The following GOT1 variants were observed in gnomAD, a reference collection of about 807,000 sequenced individuals.
GOT1 encodes aspartate aminotransferase, cytoplasmic.
GOT1 carries 25 observed loss-of-function variants against 48.2 expected under a neutral mutation model. That is an observed-to-expected ratio of 0.52 (90% confidence interval 0.38 to 0.72). GOT1 has a LOEUF of 0.72. Among genes scored for constraint, GOT1 ranks in the 30% least tolerant of loss-of-function variants. GOT1 has a pLI of 0.00. For synonymous variants in GOT1, 188 were observed against 193.8 expected, an observed-to-expected ratio of 0.97 and a Z score of 0.25; for missense variants, 380 against 520.1, an observed-to-expected ratio of 0.73 and a Z score of 2.62.
chr10:99,405,819 T>G lies in GOT1; in HGVS notation c.579A>C (p.Ala193=), dbSNP rs138181259. The change falls in exon 5 of 9, where the codon GCA becomes GCC. Residue 193 remains alanine, a synonymous_variant. Transcript: ENST00000370508. The stretch of plus-strand genomic sequence containing the variant: ...TTGGGTCAATCCCAGTTGGGTTGTG[T>G]GCACAGGCGTGGAGGACAACAATGG... ...EFSIVVLHAC[A]HNPTGIDPTP... 2,235 of 1,611,872 alleles carry G rather than the reference T, an allele frequency of 1.4e-3. 1 individual carries two copies. Among genetic ancestry groups the G allele is most frequent in the South Asian group, 4.7e-3 (426 of 91,034 alleles).
rs1292708278 is a variant in GOT1, at chr10:99,406,744, CAT to C, written c.404_405del (p.Tyr135CysfsTer19). The C allele has an allele frequency of 6.2e-7, 1 of 1,614,010 alleles. No homozygotes were observed. Among genetic ancestry groups the C allele is most frequent in the Non-Finnish European group, 8.5e-7 (1 of 1,179,904 alleles). On this transcript the variant is annotated frameshift_variant, in exon 3 of 9. Transcript: ENST00000370508. LOFTEE classifies it high-confidence loss of function. ...NGTNNKNTPV[Y>X]VSSPTWENHN... ...GACTCACCCCAGGTTGGTGAGGACA[CAT>C]AGACAGGTGTGTTCTTGTTGTTTGT...
intron 1 of GOT1, among the ~76,000 whole-genome samples, chr10:99,424,995 A>T (rs1352378948): frequency 2.0e-5 from 3 of 152,226 alleles, no homozygotes; most frequent in Non-Finnish European, 4.4e-5. Flanking sequence ...TCACATAACA[A>T]GTACTTACTA....
In GOT1 at chr10:99,406,716, A is replaced by G. The variant is rs755983501; in HGVS notation, c.424+10T>C. 3 of 1,611,624 alleles carry G rather than the reference A, an allele frequency of 1.9e-6. No individual in the cohort carries two copies. In the East Asian group the frequency reaches 6.7e-5, roughly 36 times the overall value. On this transcript the variant is annotated intron_variant, in intron 3 of 8. Coordinates refer to ENST00000370508, the MANE Select transcript of GOT1 (RefSeq NM_002079.3). ...TCTGTTTTTCCTCTCACTTCAGCTG[A>G]AAGACTCACCCCAGGTTGGTGAGGA... is the stretch of plus-strand genomic sequence containing the variant.
At chr10:99,421,891 G>A (rs1224675496) in intron 1 of GOT1, among the ~76,000 whole-genome samples, 1 of 152,130 alleles carries the variant, frequency 6.6e-6, no homozygotes, top group African/African-American at 2.4e-5. Flanking sequence ...TTACATTTTA[G>A]GGTTGTTGTT....
intron 2 of GOT1, among the ~76,000 whole-genome samples, chr10:99,411,512 A>G (rs2032827849): frequency 1.3e-5 from 2 of 152,206 alleles, no homozygotes; most frequent in Non-Finnish European, 2.9e-5. Context: ...TTTGGCTCAA[A>G]TGTCATTTCT....
chr10:99,426,014 T>C (rs2033033833), intron 1 of GOT1, among the ~76,000 whole-genome samples: 1 of 152,146 alleles, frequency 6.6e-6, no homozygotes, highest in African/African-American at 2.4e-5. Flanking sequence ...ATAGATATTG[T>C]GATGTCTATT....
chr10:99,422,838 C>T (rs1202321033), intron 1 of GOT1, among the ~76,000 whole-genome samples: 2 of 152,130 alleles, frequency 1.3e-5, no homozygotes. Flanking sequence ...CGTCCTTGTT[C>T]TTTTTTACAG....
chr10:99,407,082 A>T (rs1222445263), intron 2 of GOT1, among the ~76,000 whole-genome samples: 2 of 152,228 alleles, frequency 1.3e-5, no homozygotes, highest in African/African-American at 4.8e-5. Flanking sequence ...CAAAGTTACC[A>T]GCTACTGAGC....
At chr10:99,403,686 G>A (rs201775898) in intron 6 of GOT1, 38 bp downstream of exon 6, 107 of 1,613,868 alleles carry the variant, frequency 6.6e-5, no homozygotes, top group Admixed American at 2.8e-4. Context: ...GGAGTGATGC[G>A]AGGAGGTGGG....
intron 2 of GOT1, among the ~76,000 whole-genome samples, chr10:99,416,197 C>T (rs896814573): frequency 4.6e-5 from 7 of 152,142 alleles, no homozygotes; most frequent in African/African-American, 1.4e-4. Context: ...AAAACCCCAT[C>T]GTCTCACCAC....
chr10:99,430,195 AC>A, intron 1 of GOT1: 1 of 987,864 alleles, frequency 1.0e-6, no homozygotes, highest in Admixed American at 2.1e-5. Context: ...AATCGGAAAG[AC>A]TGAGTTTGTG....
intron 2 of GOT1, among the ~76,000 whole-genome samples, chr10:99,412,522 G>A (rs1178724361): frequency 6.6e-6 from 1 of 151,456 alleles, no homozygotes; most frequent in African/African-American, 2.4e-5. Context: ...CAGAAGAAAG[G>A]CTCAGAGCTC....
At chr10:99,411,058 T>G (rs1380169313) in intron 2 of GOT1, among the ~76,000 whole-genome samples, 1 of 152,260 alleles carries the variant, frequency 6.6e-6, no homozygotes, top group Non-Finnish European at 1.5e-5. Context: ...TGCATTCATC[T>G]GGGTGCCCCC....
rs746725900 is a variant in GOT1, at chr10:99,406,161, G to A, written c.513C>T (p.Leu171=). Residue 171 remains leucine (L), a synonymous_variant, in exon 4 of 9, where the codon CTC becomes CTT. Coordinates refer to ENST00000370508, the MANE Select transcript of GOT1 (RefSeq NM_002079.3). ...YWDAEKRGLD[L]QGFLNDLENA... ...CCTCCAGATCATTCAGGAAGCCCTGGAGGTCCAATCCTCTCTTCTCTGCAT... is the reference window on the plus strand; with the variant it reads ...CCTCCAGATCATTCAGGAAGCCCTGAAGGTCCAATCCTCTCTTCTCTGCAT... The A allele has an allele frequency of 3.1e-6, 5 of 1,611,586 alleles. No individual in the cohort carries two copies. In the South Asian group the frequency reaches 5.5e-5, roughly 18 times the overall value.
intron 2 of GOT1, among the ~76,000 whole-genome samples, chr10:99,407,987 G>A (rs1041988978): frequency 2.0e-5 from 3 of 150,570 alleles, no homozygotes; most frequent in Non-Finnish European, 3.0e-5. Flanking sequence ...ATAGGCCCCC[G>A]TGTGTGATGT....
At chr10:99,407,989 G>T (rs1482941391) in intron 2 of GOT1, among the ~76,000 whole-genome samples, 4 of 151,860 alleles carry the variant, frequency 2.6e-5, no homozygotes, top group South Asian at 2.1e-4. Context: ...AGGCCCCCGT[G>T]TGTGATGTTC....
At chr10:99,405,087 T>C (rs1332531153) in intron 5 of GOT1, among the ~76,000 whole-genome samples, 1 of 152,148 alleles carries the variant, frequency 6.6e-6, no homozygotes, top group Non-Finnish European at 1.5e-5. Flanking sequence ...TACTCGTCCA[T>C]CTCCCCAAAC....
intron 2 of GOT1, among the ~76,000 whole-genome samples, chr10:99,410,655 A>G (rs1463403066): frequency 2.0e-5 from 3 of 152,244 alleles, no homozygotes; most frequent in Non-Finnish European, 2.9e-5. Flanking sequence ...GTGAAACACA[A>G]GTTGCTCTAA....
At chr10:99,420,833 G>A in intron 1 of GOT1, 28 bp from the exon 2 acceptor site, 1 of 1,570,472 alleles carries the variant, frequency 6.4e-7, no homozygotes, top group African/African-American at 1.3e-5. Flanking sequence ...GTTATACATA[G>A]TGGAGGCTCA....
Sources: allele counts gnomAD v4.1 joint callset (sites outside exome capture counted in the v4.1 genomes callset), GRCh38; gene constraint gnomAD v4.1.1; transcripts MANE v1.5; gene names NCBI Gene and HGNC (gene_info 2026-07-23, HGNC 2026-07-21).